NHSL3: variants seen among roughly 807,000 people sequenced by gnomAD.
The protein encoded by NHSL3 is NHS like 3.
chr1:32,756,173 G>A, the NHSL3 span, among the ~76,000 whole-genome samples: 4 of 152,202 alleles, frequency 2.6e-5, no homozygotes. Flanking sequence ...TGAGGGGCTA[G>A]GAAATATTCT....
At chr1:32,742,241 C>A in the NHSL3 span, 3 of 1,234,008 alleles carry the variant, frequency 2.4e-6, no homozygotes, top group Non-Finnish European at 2.0e-6. Context: ...AGGGTGCGGC[C>A]GAGGGGGCTC....
chr1:32,751,886 C>G, the NHSL3 span, among the ~76,000 whole-genome samples: 1 of 152,134 alleles, frequency 6.6e-6, no homozygotes, highest in South Asian at 2.1e-4. Context: ...TCCAACGCTT[C>G]TTGTGAAGGC....
the NHSL3 span, chr1:32,767,908 A>G: frequency 6.2e-7 from 1 of 1,614,074 alleles, no homozygotes; most frequent in Non-Finnish European, 8.5e-7. Context: ...CCCACCTGGA[A>G]GAGCTGCACA....
chr1:32,774,751 G>A, the NHSL3 span: 2 of 152,456 alleles, frequency 1.3e-5, no homozygotes, highest in African/African-American at 4.8e-5. Context: ...TTGTCCTCTG[G>A]GGTAAATGAG....
At chr1:32,768,789 C>T in the NHSL3 span, 4 of 1,612,904 alleles carry the variant, frequency 2.5e-6, no homozygotes. Context: ...GATTCATGGG[C>T]AGGGGAGAGG....
At chr1:32,742,043 G>A in the NHSL3 span, 1 of 1,261,278 alleles carries the variant, frequency 7.9e-7, no homozygotes, top group South Asian at 2.9e-5. Context: ...TCCCGCTCCG[G>A]CGCGTCCGGC....
At chr1:32,756,835 G>T in the NHSL3 span, among the ~76,000 whole-genome samples, 3 of 151,992 alleles carry the variant, frequency 2.0e-5, no homozygotes, top group Non-Finnish European at 4.4e-5. Context: ...CAGGCGTGGT[G>T]GTGGGCACCT....
At chr1:32,772,296 C>CCCGTA in the NHSL3 span, 1 of 1,541,588 alleles carries the variant, frequency 6.5e-7, no homozygotes, top group Non-Finnish European at 9.0e-7. Flanking sequence ...CCGCCTCCCC[C>CCCGTA]AGTTACCCTC....
chr1:32,772,402 C>T, the NHSL3 span: 3 of 1,552,954 alleles, frequency 1.9e-6, no homozygotes, highest in East Asian at 6.8e-5. Flanking sequence ...TGTCCTGCAG[C>T]TGGTGGGCCC....
the NHSL3 span, among the ~76,000 whole-genome samples, chr1:32,751,382 A>G: frequency 1.1e-4 from 17 of 152,194 alleles, no homozygotes; most frequent in East Asian, 2.1e-3. Flanking sequence ...AAGCCCCACC[A>G]TCTCCACCTC....
At chr1:32,748,996 T>G in the NHSL3 span, among the ~76,000 whole-genome samples, 4 of 152,174 alleles carry the variant, frequency 2.6e-5, no homozygotes, top group African/African-American at 4.8e-5. Flanking sequence ...TACCAGGCAC[T>G]ATCCTCGGGA....
the NHSL3 span, chr1:32,770,734 T>C: frequency 4.5e-4 from 693 of 1,555,420 alleles, no homozygotes; most frequent in Non-Finnish European, 5.7e-4. The surrounding 1 kb of genome is among the most constrained non-coding windows in gnomAD (Gnocchi z 8.3). Flanking sequence ...TGATGGGCCA[T>C]TAGGGTTGCC....
the NHSL3 span, among the ~76,000 whole-genome samples, chr1:32,752,586 C>T: frequency 6.6e-6 from 1 of 152,082 alleles, no homozygotes; most frequent in Non-Finnish European, 1.5e-5. Context: ...GAAGGCTTTT[C>T]TTCTCTCTGT....
the NHSL3 span, among the ~76,000 whole-genome samples, chr1:32,743,647 G>A: frequency 6.6e-6 from 1 of 152,278 alleles, no homozygotes; most frequent in Non-Finnish European, 1.5e-5. Flanking sequence ...TGGACTAGCA[G>A]TGTATACTCC....
chr1:32,742,151 C>T, the NHSL3 span: 1 of 1,244,160 alleles, frequency 8.0e-7, no homozygotes. Flanking sequence ...GCCAAGAAGG[C>T]GGAGGACAAG....
At chr1:32,754,947 T>C in the NHSL3 span, among the ~76,000 whole-genome samples, 7 of 129,280 alleles carry the variant, frequency 5.4e-5, no homozygotes, top group South Asian at 2.1e-3. Context: ...GTCCCCACGG[T>C]CCCCGAGGTC....
At chr1:32,767,031 A>C in the NHSL3 span, among the ~76,000 whole-genome samples, 4 of 152,102 alleles carry the variant, frequency 2.6e-5, no homozygotes, top group Admixed American at 2.0e-4. Flanking sequence ...TCCTTCCACT[A>C]AGGGGCAGCC....
the NHSL3 span, chr1:32,753,920 G>T: frequency 2.1e-5 from 5 of 243,200 alleles, no homozygotes; most frequent in Non-Finnish European, 4.1e-5. Context: ...CTCCGGGCCC[G>T]CCCCCGGCCT....
chr1:32,741,886 CG>C, the NHSL3 span: 1 of 171,900 alleles, frequency 5.8e-6, no homozygotes, highest in Non-Finnish European at 1.1e-5. This position sits in a 1 kb window ranked among gnomAD's most constrained non-coding sequence, Gnocchi z 4.3. Context: ...GCGTCCCCGG[CG>C]GCCGCCCCCG....
Sources: gnomAD v4.1 joint callset for allele counts (sites outside exome capture counted in the v4.1 genomes callset) on GRCh38, gnomAD v4.1.1 for gene constraint, Gnocchi (gnomAD v3.1) non-coding constraint, MANE v1.5 for transcripts, NCBI Gene and HGNC (gene_info 2026-07-23, HGNC 2026-07-21) for gene names.